The following ARHGAP10 variants were observed in gnomAD, a reference collection of about 807,000 sequenced individuals.
ARHGAP10 encodes the protein rho GTPase-activating protein 10.
Under a neutral mutation model 108.6 loss-of-function variants are expected in ARHGAP10, and 87 were observed. The ratio of observed to expected loss-of-function variants is 0.80; its 90% CI spans 0.67 to 0.96. ARHGAP10 has a LOEUF of 0.96. Ranked by LOEUF, ARHGAP10 falls within the 40% of genes least tolerant of loss-of-function variation. The pLI is 0.00. For missense variants in ARHGAP10, 939 were observed against 954.5 expected (o/e 0.98, Z 0.21); for synonymous variants, 347 against 341.1 (o/e 1.02, Z -0.19).
intron 7 of ARHGAP10, among the ~76,000 whole-genome samples, chr4:147,867,709 C>T (rs1734624766): frequency 1.3e-5 from 2 of 151,956 alleles, no homozygotes; most frequent in African/African-American, 4.8e-5. Context: ...ACTAAAAATA[C>T]AAACATTAGC....
At chr4:147,981,536 G>A (rs1178676496) in intron 18 of ARHGAP10, among the ~76,000 whole-genome samples, 1 of 152,230 alleles carries the variant, frequency 6.6e-6, no homozygotes, top group Admixed American at 6.5e-5. Flanking sequence ...CTATTCTGTG[G>A]TTGTTGGGTA....
intron 11 of ARHGAP10, 42 bp downstream of exon 11, chr4:147,906,761 G>T (rs762949964): frequency 6.2e-7 from 1 of 1,602,410 alleles, no homozygotes; most frequent in East Asian, 2.2e-5. Flanking sequence ...AAAGCCTTTA[G>T]AGTTGACTTG....
At chr4:147,827,198 G>A (rs1732742787) in intron 3 of ARHGAP10, among the ~76,000 whole-genome samples, 1 of 150,572 alleles carries the variant, frequency 6.6e-6, no homozygotes, top group Non-Finnish European at 1.5e-5. Context: ...TTTTTAAAGT[G>A]GAATCACTGT....
At chr4:147,961,360 G>A (rs966775479) in intron 16 of ARHGAP10, among the ~76,000 whole-genome samples, 2 of 152,000 alleles carry the variant, frequency 1.3e-5, no homozygotes, top group African/African-American at 2.4e-5. Flanking sequence ...TTCCTGCCCC[G>A]GTCTTTTGCC....
chr4:147,898,538 A>G (rs1736092056), intron 10 of ARHGAP10, among the ~76,000 whole-genome samples: 1 of 152,000 alleles, frequency 6.6e-6, no homozygotes, highest in Non-Finnish European at 1.5e-5. Flanking sequence ...CCGGTTTAGA[A>G]AATCTTAGTC....
At chr4:147,939,588 G>A (rs1738091076) in intron 13 of ARHGAP10, among the ~76,000 whole-genome samples, 1 of 152,088 alleles carries the variant, frequency 6.6e-6, no homozygotes, top group African/African-American at 2.4e-5. Context: ...CTAACATTGA[G>A]GCATTTCATT....
intron 1 of ARHGAP10, among the ~76,000 whole-genome samples, chr4:147,791,047 G>C (rs1731096351): frequency 6.6e-6 from 1 of 151,422 alleles, no homozygotes; most frequent in African/African-American, 2.4e-5. Flanking sequence ...ATGAGTTTAT[G>C]AGTAATGTAA....
At chr4:148,066,821 T>C (rs7660368) in intron 22 of ARHGAP10, among the ~76,000 whole-genome samples, 79,348 of 152,114 alleles carry the variant, frequency 0.52, 22,949 homozygotes, top group East Asian at 0.83. Flanking sequence ...TAAGATAGCA[T>C]TGGGGCTACT....
intron 13 of ARHGAP10, among the ~76,000 whole-genome samples, chr4:147,922,675 G>A (rs1228190028): frequency 4.9e-5 from 6 of 121,484 alleles, no homozygotes; most frequent in Admixed American, 2.7e-4. Flanking sequence ...GCGACAGAGC[G>A]AGACTCCGTC....
At chr4:147,821,263 A>G (rs1283789050) in intron 1 of ARHGAP10, among the ~76,000 whole-genome samples, 1 of 152,220 alleles carries the variant, frequency 6.6e-6, no homozygotes, top group Non-Finnish European at 1.5e-5. Context: ...TCTATTGGCT[A>G]CAAGACTAGC....
chr4:148,066,661 A>G (rs1729891747), intron 22 of ARHGAP10, among the ~76,000 whole-genome samples: 1 of 152,244 alleles, frequency 6.6e-6, no homozygotes. Flanking sequence ...ACTGCAGGCA[A>G]CGTGGATTCT....
At chr4:148,011,955 A>T (rs554222020) in intron 18 of ARHGAP10, among the ~76,000 whole-genome samples, 132 of 152,312 alleles carry the variant, frequency 8.7e-4, no homozygotes, top group Non-Finnish European at 1.1e-3. Flanking sequence ...AGAATAACAG[A>T]TAGTGCTGGG....
intron 1 of ARHGAP10, among the ~76,000 whole-genome samples, chr4:147,793,828 T>A (rs1159446982): frequency 6.6e-6 from 1 of 152,182 alleles, no homozygotes; most frequent in Non-Finnish European, 1.5e-5. Flanking sequence ...TTGATACGTA[T>A]TTGTGGAATG....
intron 10 of ARHGAP10, among the ~76,000 whole-genome samples, chr4:147,888,026 C>T (rs889711594): frequency 8.5e-5 from 13 of 152,068 alleles, no homozygotes; most frequent in African/African-American, 2.2e-4. Flanking sequence ...GTCTTTCCCT[C>T]GCAGCATCCC....
At chr4:147,979,103 G>C (rs561821460) in intron 18 of ARHGAP10, among the ~76,000 whole-genome samples, 1 of 152,202 alleles carries the variant, frequency 6.6e-6, no homozygotes, top group Non-Finnish European at 1.5e-5. Context: ...ATTTGCTTTT[G>C]GGGTCTTCAT....
intron 1 of ARHGAP10, among the ~76,000 whole-genome samples, chr4:147,816,069 A>T (rs1732230152): frequency 6.6e-6 from 1 of 152,174 alleles, no homozygotes; most frequent in East Asian, 1.9e-4. Flanking sequence ...CTTTAAACAG[A>T]GGAATCTGTG....
chr4:147,819,366 G>A (rs1198971440), intron 1 of ARHGAP10, among the ~76,000 whole-genome samples: 1 of 152,016 alleles, frequency 6.6e-6, no homozygotes, highest in Non-Finnish European at 1.5e-5. Flanking sequence ...ATGTGTAAAT[G>A]TGCACATATA....
At chr4:148,009,102 A>C (rs1312460859) in intron 18 of ARHGAP10, among the ~76,000 whole-genome samples, 1 of 152,024 alleles carries the variant, frequency 6.6e-6, no homozygotes, top group Non-Finnish European at 1.5e-5. Context: ...AAAACAAAAA[A>C]GTTATTTGAG....
chr4:147,979,464 T>C (rs937906714), intron 18 of ARHGAP10, among the ~76,000 whole-genome samples: 2 of 152,164 alleles, frequency 1.3e-5, no homozygotes, highest in African/African-American at 4.8e-5. Flanking sequence ...CCTTGTAGTA[T>C]TGTTTGAAGC....
Sources: allele counts gnomAD v4.1 joint callset (sites outside exome capture counted in the v4.1 genomes callset), GRCh38; gene constraint gnomAD v4.1.1; transcripts MANE v1.5; gene names NCBI Gene and HGNC (gene_info 2026-07-23, HGNC 2026-07-21).